Variants in GAREM2 observed in about 807,000 individuals in gnomAD.
GAREM2 encodes the protein GRB2 associated regulator of MAPK1 subtype 2.
A neutral mutation model predicts 55.6 loss-of-function variants in GAREM2; 30 were observed. That is an observed-to-expected ratio of 0.54 (90% confidence interval 0.40 to 0.73). The LOEUF is 0.73. Among genes scored for constraint, GAREM2 ranks in the 30% least tolerant of loss-of-function variants. The probability of loss-of-function intolerance (pLI) is 0.00; values close to 1 mark genes in which losing one functional copy is unlikely to be tolerated. For missense variants in GAREM2, 1,075 were observed against 1,257.7 expected (o/e 0.85, Z 2.20); for synonymous variants, 550 against 569.1 (o/e 0.97, Z 0.48).
intron 4 of GAREM2, among the ~76,000 whole-genome samples, chr2:26,185,839 C>T (rs954500594): frequency 2.6e-5 from 4 of 152,212 alleles, no homozygotes; most frequent in Non-Finnish European, 2.9e-5. Context: ...TCTGTCCCTT[C>T]GGCTTTCCTT....
intron 1 of GAREM2, among the ~76,000 whole-genome samples, chr2:26,174,385 C>G (rs566188731): frequency 2.0e-5 from 3 of 152,346 alleles, no homozygotes; most frequent in Admixed American, 2.0e-4. Flanking sequence ...GGTCGCTGCC[C>G]TGGGGTCTTC....
chr2:26,185,358 G>A (rs1669216367), intron 4 of GAREM2, 82 bp downstream of exon 4: 2 of 1,401,952 alleles, frequency 1.4e-6, no homozygotes, highest in Admixed American at 6.4e-5. Context: ...CCCGGAGTAT[G>A]TGGCAGACGA....
intron 1 of GAREM2, among the ~76,000 whole-genome samples, chr2:26,174,028 A>C (rs1280382318): frequency 1.5e-5 from 2 of 135,654 alleles, no homozygotes; most frequent in Non-Finnish European, 3.2e-5. Context: ...GAGCGAGGGG[A>C]CCGTTTGGGG....
At chr2:26,193,576 C>A (rs1285852180), downstream of GAREM2, 1 of 1,610,520 alleles carries the variant, frequency 6.2e-7, no homozygotes, top group Non-Finnish European at 8.5e-7. Flanking sequence ...AGGCTACTCA[C>A]CTAGGAAGCC....
chr2:26,173,154 C>T lies in GAREM2; in HGVS notation c.-67C>T. On this transcript the variant is annotated 5_prime_UTR_variant, in exon 1 of 6. Transcript: ENST00000401533. Reference sequence around the variant, plus strand: ...CGGCCCCGGGAGGTGGCGGCGGGCGCGAGAGCCTGGGCCGCGCGGGACTGA... The same window carrying T: ...CGGCCCCGGGAGGTGGCGGCGGGCGTGAGAGCCTGGGCCGCGCGGGACTGA... 2.0e-6 allele frequency: 1 copy of T among 487,910 alleles called. No individual in the cohort carries two copies. The highest frequency in any genetic ancestry group is 2.8e-6 in the Non-Finnish European group (1 of 358,958). The allele number at this position is 487,910 out of a possible 1,614,324, so 30.2% of individuals were successfully genotyped here.
At chr2:26,178,682 T>C (rs1234869804) in intron 2 of GAREM2, among the ~76,000 whole-genome samples, 1 of 152,168 alleles carries the variant, frequency 6.6e-6, no homozygotes, top group Non-Finnish European at 1.5e-5. Flanking sequence ...TCATTTTGGT[T>C]GTGTCATTAA....
intron 2 of GAREM2, among the ~76,000 whole-genome samples, chr2:26,180,375 A>G (rs1478274722): frequency 6.6e-6 from 1 of 152,078 alleles, no homozygotes; most frequent in South Asian, 2.1e-4. Flanking sequence ...AACATCCCCA[A>G]AGGGTCAAGC....
the GAREM2 span, among the ~76,000 whole-genome samples, chr2:26,196,597 C>T: frequency 6.6e-6 from 1 of 152,126 alleles, no homozygotes; most frequent in Non-Finnish European, 1.5e-5. Context: ...TCCTGTATCC[C>T]TTGCTCCCGG....
chr2:26,204,231 TG>T, the GAREM2 span: 21 of 1,606,690 alleles, frequency 1.3e-5, no homozygotes, highest in Non-Finnish European at 1.7e-5. Context: ...TTCGGTAAAC[TG>T]ATCTTAATCA....
chr2:26,173,763 CT>C (rs1205288195), intron 1 of GAREM2, among the ~76,000 whole-genome samples: 1 of 152,190 alleles, frequency 6.6e-6, no homozygotes, highest in African/African-American at 2.4e-5. Flanking sequence ...ACCGCCACCC[CT>C]AGTCCTGCTC....
At chr2:26,175,864 G>A (rs1668848009) in intron 1 of GAREM2, among the ~76,000 whole-genome samples, 2 of 152,188 alleles carry the variant, frequency 1.3e-5, no homozygotes, top group Admixed American at 1.3e-4. Context: ...CACAGCTCCA[G>A]CATCTCCTGC....
rs1256158324 is a variant in GAREM2 at position 26,184,808 on chromosome 2, C to T, written c.960C>T (p.Asp320=). ...CGCTGCACTTCCTGCTGCTCACGGACACGCCGCGCTTCGCGCTGCCGCAGG... is the reference window on the plus strand; with the variant it reads ...CGCTGCACTTCCTGCTGCTCACGGATACGCCGCGCTTCGCGCTGCCGCAGG... The part of the protein sequence containing the change: ...PAPLHFLLLT[D]TPRFALPQGL... Residue 320 remains aspartate (D), a synonymous_variant, in exon 4 of 6, where the codon GAC becomes GAT. Transcript: ENST00000401533. The T allele has an allele frequency of 6.7e-7, 1 of 1,491,520 alleles. No individual in the cohort carries two copies. Among genetic ancestry groups the T allele is most frequent in the Non-Finnish European group, 8.9e-7 (1 of 1,128,516 alleles). The allele number at this position is 1,491,520 out of a possible 1,614,324, so 92.4% of individuals were successfully genotyped here.
chr2:26,181,823 TA>T, intron 2 of GAREM2: 1 of 166,356 alleles, frequency 6.0e-6, no homozygotes, highest in Non-Finnish European at 1.2e-5. Flanking sequence ...CTAATAAAAA[TA>T]AAAAATTAGC....
At chr2:26,194,543 G>A (rs375942479), downstream of GAREM2, 23 of 1,447,338 alleles carry the variant, frequency 1.6e-5, no homozygotes, top group Middle Eastern at 1.7e-4. Context: ...GGAAGATGCC[G>A]CAAACACTCT....
intron 3 of GAREM2, among the ~76,000 whole-genome samples, chr2:26,183,559 AC>A (rs1268521217): frequency 6.6e-6 from 1 of 152,178 alleles, no homozygotes; most frequent in Non-Finnish European, 1.5e-5. Context: ...CCCTGTCTCT[AC>A]AAAAAATGTT....
the GAREM2 span, among the ~76,000 whole-genome samples, chr2:26,201,869 A>C: frequency 6.6e-6 from 1 of 151,378 alleles, no homozygotes; most frequent in African/African-American, 2.4e-5. Flanking sequence ...ATCTCAGCTC[A>C]CTGCAACCTC....
chr2:26,184,256 G>C lies in GAREM2; in HGVS notation c.408G>C (p.Glu136Asp). The change falls in exon 4 of 6, where the codon GAG becomes GAC. Residue 136 changes from glutamate (E) to aspartate (D), a missense_variant. By Grantham distance (45) the Glu-to-Asp change is conservative. Around this residue, in one of 6 missense-constraint regions of GAREM2, gnomAD observed 230 missense variants for 310.6 expected, o/e 0.74. Coordinates refer to ENST00000401533, the MANE Select transcript of GAREM2 (RefSeq NM_001168241.2). ...AGGTGGTGTCGGGCGAGTTCAGCGA[G>C]GACAGCGAGGTGTACAACTTCACGC... is the stretch of plus-strand genomic sequence containing the variant. ...SVKVVSGEFS[E>D]DSEVYNFTLH... 1 of 1,550,670 alleles carries C rather than the reference G, an allele frequency of 6.4e-7. No individual in the cohort carries two copies. Among genetic ancestry groups the C allele is most frequent in the Non-Finnish European group, 8.7e-7 (1 of 1,146,492 alleles).
At position 26,186,469 on chromosome 2, in the gene GAREM2, T is replaced by C. The variant is rs1014698987; in HGVS notation, c.1598+111T>C. On this transcript the variant is annotated intron_variant, in intron 5 of 5. Coordinates refer to ENST00000401533, the MANE Select transcript of GAREM2 (RefSeq NM_001168241.2). The stretch of plus-strand genomic sequence containing the variant: ...AGAGGAAGTCTTGAGGCCTGGGAGA[T>C]TCCCGAGGGTGCAGCTCCCTGTGCA... 4 of 1,023,630 alleles carry C rather than the reference T, an allele frequency of 3.9e-6. No individual in the cohort carries two copies. In the African/African-American group the frequency reaches 6.4e-5, roughly 16 times the overall value. The allele number at this position is 1,023,630 out of a possible 1,614,324, so 63.4% of individuals were successfully genotyped here.
At chr2:26,194,501 G>T, downstream of GAREM2, 1 of 968,898 alleles carries the variant, frequency 1.0e-6, no homozygotes, top group Non-Finnish European at 1.7e-6. Context: ...TCCTTATCTT[G>T]ACATCATGAG....
Sources: allele counts gnomAD v4.1 joint callset (sites outside exome capture counted in the v4.1 genomes callset), GRCh38; gene constraint gnomAD v4.1.1; regional missense constraint gnomAD v4.1.1; transcripts MANE v1.5; gene names NCBI Gene and HGNC (gene_info 2026-07-23, HGNC 2026-07-21).